AHRR: variants seen among roughly 807,000 people sequenced by gnomAD.
AHRR encodes the protein aryl hydrocarbon receptor repressor.
In AHRR, 28 loss-of-function variants were observed where a neutral mutation model predicts 44.0. That is an observed-to-expected ratio of 0.64 (90% CI 0.47 to 0.87). The LOEUF (loss-of-function observed/expected upper bound fraction) is 0.87, where lower values mean the gene tolerates loss of function less well. Ranked by LOEUF, AHRR falls within the 40% of genes least tolerant of loss-of-function variation. The probability of loss-of-function intolerance (pLI) is 0.00; values close to 1 mark genes in which losing one functional copy is unlikely to be tolerated. For synonymous variants in AHRR, 434 were observed against 407.0 expected, an observed-to-expected ratio of 1.07 and a Z score of -0.80; for missense variants, 990 against 953.9, an observed-to-expected ratio of 1.04 and a Z score of -0.50.
intron 5 of AHRR, among the ~76,000 whole-genome samples, chr5:415,544 GGTGGGAGGC>G (rs1735728710): frequency 2.1e-5 from 3 of 142,900 alleles, no homozygotes; most frequent in African/African-American, 5.7e-5. Flanking sequence ...TGCCTGGTCG[GGTGGGAGGC>G]CTAGGGGCCG....
At chr5:432,302 CTA>C in intron 8 of AHRR, 159 bp from the exon 9 acceptor site, 1 of 664,740 alleles carries the variant, frequency 1.5e-6, no homozygotes, top group Non-Finnish European at 2.6e-6. Flanking sequence ...ACTTTCCACA[CTA>C]TAAAGAATTA....
rs531122048 is a variant in AHRR at position 388,905 on chromosome 5, C to T, written c.351+12189C>T. Among the ~76,000 whole-genome samples the T allele has an allele frequency of 1.7e-4, 26 of 152,246 alleles. No homozygotes were observed. In the East Asian group the frequency reaches 4.4e-3, roughly 26 times the overall value. On this transcript the variant is annotated intron_variant, in intron 4 of 10. Coordinates refer to ENST00000684583, the MANE Select transcript of AHRR (RefSeq NM_001377236.1). The surrounding 1 kb of genome is among the most constrained non-coding windows in gnomAD (Gnocchi z 5.2). ...AAAAGCAGCAGGTGCGGAGGGTTTC[C>T]GCCGGTGCCTCGCACAGGAGAGAAG...
At chr5:354,762 A>C (rs1005406788) in intron 3 of AHRR, among the ~76,000 whole-genome samples, 10 of 151,862 alleles carry the variant, frequency 6.6e-5, no homozygotes, top group African/African-American at 2.4e-4. Context: ...TGCACTCCTG[A>C]GTTTGAGTCA....
intron 3 of AHRR, 127 bp from the exon 4 acceptor site, chr5:376,483 C>G: frequency 1.3e-6 from 1 of 785,378 alleles, no homozygotes; most frequent in Non-Finnish European, 2.0e-6. Flanking sequence ...GGGGTCAGTG[C>G]AGCCCAGGCC....
rs1382035506 is a variant in AHRR at position 353,774 on chromosome 5, A to G, written c.107A>G (p.His36Arg). The change falls in exon 3 of 11, where the codon CAC becomes CGC. Residue 36 changes from histidine (H) to arginine (R), a missense_variant. Coordinates refer to ENST00000684583, the MANE Select transcript of AHRR (RefSeq NM_001377236.1). ...GAGAAGTCCAACCCCTCCAAGCGAC[A>G]CCGGGACCGCCTCAACGCCGAGTTG... ...GAEKSNPSKR[H>R]RDRLNAELDH... is the part of the protein sequence containing the mutation. 1 of 1,613,452 alleles carries G rather than the reference A, an allele frequency of 6.2e-7. No homozygotes were observed. The highest frequency in any genetic ancestry group is 1.7e-5 in the Admixed American group (1 of 60,004).
chr5:411,208 T>G lies in AHRR; in HGVS notation c.352-2136T>G, dbSNP rs1735456024. Among the ~76,000 whole-genome samples, 1 of 152,160 alleles carries G rather than the reference T, an allele frequency of 6.6e-6. No homozygotes were observed. Among genetic ancestry groups the G allele is most frequent in the Non-Finnish European group, 1.5e-5 (1 of 68,042 alleles). ...ACCTTAGATTTAACTGACTCTTCTCTCTCCAGTTTCTTGAGGAGGGACTAC... is the reference window on the plus strand; with the variant it reads ...ACCTTAGATTTAACTGACTCTTCTCGCTCCAGTTTCTTGAGGAGGGACTAC... On this transcript the variant is annotated intron_variant, in intron 4 of 10. Coordinates refer to ENST00000684583, the MANE Select transcript of AHRR (RefSeq NM_001377236.1). The surrounding 1 kb of genome is among the most constrained non-coding windows in gnomAD (Gnocchi z 4.2).
At position 353,922 on chromosome 5, in the gene AHRR, C is replaced by A. The variant is rs751628372; in HGVS notation, c.244+11C>A. On this transcript the variant is annotated intron_variant, in intron 3 of 10. Coordinates refer to ENST00000684583, the MANE Select transcript of AHRR (RefSeq NM_001377236.1). ...AGAGCTTCTTCCAAGGTAGGACTCT[C>A]ACCTGCTCCCACCTGTTCACTTGAG... The A allele has an allele frequency of 9.4e-6, 15 of 1,603,804 alleles. No homozygotes were observed. The highest frequency in any genetic ancestry group is 1.2e-5 in the Non-Finnish European group (14 of 1,174,502).
chr5:402,241 C>T (rs531836320), intron 4 of AHRR, among the ~76,000 whole-genome samples: 12 of 152,312 alleles, frequency 7.9e-5, no homozygotes, highest in Non-Finnish European at 1.5e-4. Flanking sequence ...AAACCGTCAG[C>T]GAGCTCCTCT....
At chr5:345,255 TGGGGAGAGGG>T in intron 2 of AHRR, among the ~76,000 whole-genome samples, 1 of 120,140 alleles carries the variant, frequency 8.3e-6, no homozygotes, top group African/African-American at 4.1e-5. Flanking sequence ...GATGTGTGTG[TGGGGAGAGGG>T]GTGGGTGGGT....
intron 1 of AHRR, chr5:322,563 G>A (rs1341321352): frequency 6.6e-6 from 1 of 152,066 alleles, no homozygotes; most frequent in Non-Finnish European, 1.5e-5. Flanking sequence ...CTTGCAGAAG[G>A]GTGGGCGTGT....
intron 4 of AHRR, among the ~76,000 whole-genome samples, chr5:412,715 C>CTT (rs11285209): frequency 0.014 from 1,386 of 96,896 alleles, 40 homozygotes; most frequent in African/African-American, 0.043. Flanking sequence ...CTCTCTCTCT[C>CTT]TTTTTTTTTT....
At chr5:352,611 AG>A (rs1742895962) in intron 2 of AHRR, among the ~76,000 whole-genome samples, 1 of 138,858 alleles carries the variant, frequency 7.2e-6, no homozygotes, top group African/African-American at 2.6e-5. Flanking sequence ...GGTCAGCTGT[AG>A]GGGATGGTCA....
At chr5:397,630 C>T (rs1734791368) in intron 4 of AHRR, among the ~76,000 whole-genome samples, 1 of 100,828 alleles carries the variant, frequency 9.9e-6, no homozygotes, top group African/African-American at 4.9e-5. Context: ...CATGTTAGCC[C>T]CTGACCATCC....
chr5:327,046 G>A (rs868736064), intron 1 of AHRR, among the ~76,000 whole-genome samples: 11 of 152,272 alleles, frequency 7.2e-5, no homozygotes, highest in African/African-American at 1.9e-4. Flanking sequence ...GCAACAGAGC[G>A]AGACTCTGTC....
intron 7 of AHRR, among the ~76,000 whole-genome samples, chr5:425,856 G>C (rs1736364130): frequency 1.3e-5 from 2 of 152,214 alleles, no homozygotes; most frequent in African/African-American, 4.8e-5. Context: ...TATTGACACA[G>C]AATACACCAA....
intron 4 of AHRR, chr5:403,802 C>T: frequency 1.3e-6 from 2 of 1,540,320 alleles, no homozygotes; most frequent in South Asian, 2.2e-5. Context: ...TCCTGGGTCT[C>T]TTGAGTTTCT....
intron 4 of AHRR, among the ~76,000 whole-genome samples, chr5:396,559 T>G (rs1002428392): frequency 1.3e-5 from 2 of 152,224 alleles, no homozygotes; most frequent in African/African-American, 4.8e-5. Flanking sequence ...TTTCTGCCGC[T>G]TCTTCGGCCT....
At chr5:355,569 C>T (rs1285491018) in intron 3 of AHRR, among the ~76,000 whole-genome samples, 1 of 152,192 alleles carries the variant, frequency 6.6e-6, no homozygotes, top group Non-Finnish European at 1.5e-5. Context: ...TTCCTCTCCG[C>T]ACAGGTCCCA....
At position 336,083 on chromosome 5, in the gene AHRR, C is replaced by T. The variant is rs1398897314; in HGVS notation, c.-10-7810C>T. 2.0e-5 allele frequency among the ~76,000 whole-genome samples: 3 copies of T among 152,234 alleles called. No homozygotes were observed. The South Asian group carries it at 6.2e-4, about 32-fold the overall frequency. On this transcript the variant is annotated intron_variant, in intron 1 of 10. Transcript: ENST00000684583. ...GATGGAGAATGGTGTCTTGCTCTAG[C>T]TGCTTAAATTTCAGAAAGGGTATGA...
Sources: allele counts gnomAD v4.1 joint callset (sites outside exome capture counted in the v4.1 genomes callset), GRCh38; gene constraint gnomAD v4.1.1; non-coding constraint Gnocchi (gnomAD v3.1); transcripts MANE v1.5; gene names NCBI Gene and HGNC (gene_info 2026-07-23, HGNC 2026-07-21).